The following COPZ1 variants were observed in gnomAD, a reference collection of about 807,000 sequenced individuals.
COPZ1 encodes coatomer subunit zeta-1.
A neutral mutation model predicts 31.7 loss-of-function variants in COPZ1; 4 were observed. The observed-to-expected ratio is 0.13, with a 90% CI of 0.06 to 0.29. The LOEUF is 0.29. COPZ1 is among the 10% of genes least tolerant of loss of function. The pLI is 1.00. For synonymous variants in COPZ1, 74 were observed against 79.0 expected, an observed-to-expected ratio of 0.94 and a Z score of 0.33; for missense variants, 156 against 211.5, an observed-to-expected ratio of 0.74 and a Z score of 1.63.
chr12:54,350,123 T>A (rs1195898254), intron 8 of COPZ1: 1 of 629,320 alleles, frequency 1.6e-6, no homozygotes, highest in African/African-American at 1.8e-5. Context: ...AGGGAGGGGT[T>A]CCGTTTTCTA....
At chr12:54,330,540 A>G (rs1276761796) in intron 1 of COPZ1, among the ~76,000 whole-genome samples, 1 of 152,170 alleles carries the variant, frequency 6.6e-6, no homozygotes, top group Non-Finnish European at 1.5e-5. Context: ...TCAAAGATCT[A>G]GGGGAGCTGT....
At chr12:54,350,418 C>G (rs1954127908) in intron 8 of COPZ1, 58 bp from the exon 9 acceptor site, 1 of 1,396,022 alleles carries the variant, frequency 7.2e-7, no homozygotes, top group Non-Finnish European at 1.0e-6. Flanking sequence ...ATCCCCAGCC[C>G]TCATCCTTAC....
At chr12:54,335,714 T>C (rs2137093670) in intron 1 of COPZ1, among the ~76,000 whole-genome samples, 1 of 149,488 alleles carries the variant, frequency 6.7e-6, no homozygotes, top group African/African-American at 2.5e-5. Flanking sequence ...CTCTTTTGTG[T>C]AGGCTGGAGT....
chr12:54,343,514 T>C (rs1217475867), intron 4 of COPZ1, among the ~76,000 whole-genome samples, 198 bp downstream of exon 4: 1 of 152,228 alleles, frequency 6.6e-6, no homozygotes, highest in Non-Finnish European at 1.5e-5. Flanking sequence ...TTTCCTAGAT[T>C]AATCTTTTGC....
intron 7 of COPZ1, 139 bp from the exon 8 acceptor site, chr12:54,349,481 T>C (rs991285920): frequency 9.1e-6 from 7 of 767,888 alleles, no homozygotes; most frequent in South Asian, 5.8e-5. Context: ...TACTAGTCCC[T>C]AGAAGGGACT....
chr12:54,335,333 A>G (rs1436787925), intron 1 of COPZ1, among the ~76,000 whole-genome samples: 1 of 152,092 alleles, frequency 6.6e-6, no homozygotes, highest in African/African-American at 2.4e-5. Context: ...GAATCTTGTT[A>G]CAGTTTTTAA....
rs1954133681 is a variant in COPZ1, at chr12:54,350,751, T to C, written c.*228T>C. On this transcript the variant is annotated 3_prime_UTR_variant, in exon 9 of 9. Coordinates refer to ENST00000262061, the MANE Select transcript of COPZ1 (RefSeq NM_016057.3). ...TAAAGCTCCCAGCATATTTAGATAATAGGGCAGGGGAAGCACCCTCTTTCT... is the reference window on the plus strand; with the variant it reads ...TAAAGCTCCCAGCATATTTAGATAACAGGGCAGGGGAAGCACCCTCTTTCT... The C allele has an allele frequency of 1.7e-6, 1 of 583,078 alleles. No homozygotes were observed. Among genetic ancestry groups the C allele is most frequent in the Non-Finnish European group, 3.1e-6 (1 of 324,816 alleles). The allele number at this position is 583,078 out of a possible 1,614,324, so 36.1% of individuals were successfully genotyped here. A position where few individuals can be genotyped will look rare whatever the true frequency, so the allele number is the denominator to read the frequency against.
At chr12:54,347,044 T>C (rs888964559) in intron 5 of COPZ1, among the ~76,000 whole-genome samples, 1 of 152,086 alleles carries the variant, frequency 6.6e-6, no homozygotes. Flanking sequence ...GTGAACCCAG[T>C]ACAGACAGCC....
intron 1 of COPZ1, among the ~76,000 whole-genome samples, chr12:54,340,130 C>T (rs981593473): frequency 6.6e-6 from 1 of 152,066 alleles, no homozygotes; most frequent in African/African-American, 2.4e-5. Flanking sequence ...TATACTAGGA[C>T]ATTCAACCCT....
intron 1 of COPZ1, among the ~76,000 whole-genome samples, chr12:54,330,953 G>A (rs1953739279): frequency 6.6e-6 from 1 of 152,074 alleles, no homozygotes; most frequent in Non-Finnish European, 1.5e-5. Flanking sequence ...GCTGGCAAGG[G>A]CCCTCTCACA....
intron 1 of COPZ1, among the ~76,000 whole-genome samples, chr12:54,336,994 C>G (rs1242623954): frequency 7.4e-6 from 1 of 135,474 alleles, no homozygotes; most frequent in African/African-American, 2.7e-5. Flanking sequence ...TGCACTCCAG[C>G]CTGGGTGACA....
intron 4 of COPZ1, 54 bp downstream of exon 4, chr12:54,343,370 G>A: frequency 7.0e-7 from 1 of 1,434,132 alleles, no homozygotes; most frequent in Non-Finnish European, 9.8e-7. Flanking sequence ...TAAACCACAG[G>A]CAGTACATAG....
intron 2 of COPZ1, 41 bp from the exon 3 acceptor site, chr12:54,342,165 A>C: frequency 6.9e-7 from 1 of 1,442,916 alleles, no homozygotes. Flanking sequence ...TCTGGCTTCC[A>C]GCTCTAGTGA....
Position 54,336,215 on chromosome 12 carries a change from G to A in COPZ1, c.19-4332G>A, listed in dbSNP as rs556235212. Among the ~76,000 whole-genome samples, 20 of 152,178 alleles carry A rather than the reference G, an allele frequency of 1.3e-4. No homozygotes were observed. In the East Asian group the frequency reaches 3.7e-3, roughly 28 times the overall value. ...AGACTTAATTCACTTATTTTTCAGGGCCCATCTCTACTAGTTTGTCCTACA... is the reference window on the plus strand; with the variant it reads ...AGACTTAATTCACTTATTTTTCAGGACCCATCTCTACTAGTTTGTCCTACA... On this transcript the variant is annotated intron_variant, in intron 1 of 8. Coordinates refer to ENST00000262061, the MANE Select transcript of COPZ1 (RefSeq NM_016057.3).
intron 1 of COPZ1, 91 bp from the exon 2 acceptor site, chr12:54,340,456 C>G: frequency 1.3e-6 from 2 of 1,576,474 alleles, no homozygotes; most frequent in South Asian, 2.4e-5. Context: ...TCTGTATCCC[C>G]TTGCAGCCCC....
chr12:54,330,466 A>G (rs1953731520), intron 1 of COPZ1, among the ~76,000 whole-genome samples: 1 of 152,064 alleles, frequency 6.6e-6, no homozygotes, highest in Non-Finnish European at 1.5e-5. Flanking sequence ...GTATTTATAT[A>G]TATTTTTTCC....
At chr12:54,342,691 A>C in intron 3 of COPZ1, 1 of 200,590 alleles carries the variant, frequency 5.0e-6, no homozygotes, top group Non-Finnish European at 1.0e-5. Flanking sequence ...GGAACAGAGG[A>C]TGGTGGTTAC....
intron 1 of COPZ1, among the ~76,000 whole-genome samples, chr12:54,336,418 G>T (rs1470988118): frequency 6.6e-6 from 1 of 152,108 alleles, no homozygotes; most frequent in Non-Finnish European, 1.5e-5. Context: ...GCAGGTGCGT[G>T]TAGTCCCAGC....
At chr12:54,326,124 A>AATTATTATTATTATTATTATT (rs377508362) in intron 1 of COPZ1, among the ~76,000 whole-genome samples, 2,567 of 139,128 alleles carry the variant, frequency 0.018, 56 homozygotes, top group East Asian at 0.057. Context: ...CCTGGCCAGG[A>AATTATTATTATTATTATTATT]ATTATTATTA....
Sources: allele counts gnomAD v4.1 joint callset (sites outside exome capture counted in the v4.1 genomes callset), GRCh38; gene constraint gnomAD v4.1.1; transcripts MANE v1.5; gene names NCBI Gene and HGNC (gene_info 2026-07-23, HGNC 2026-07-21).